The following CRY1 variants were observed in gnomAD, a reference collection of about 807,000 sequenced individuals.
CRY1 encodes cryptochrome circadian regulator 1.
In CRY1, 45 loss-of-function variants were observed where a neutral mutation model predicts 76.0. That is an observed-to-expected ratio of 0.59 (90% CI 0.47 to 0.76). The LOEUF is 0.76. Ranked by LOEUF, CRY1 falls within the 30% of genes least tolerant of loss-of-function variation. The pLI is 0.00. For synonymous variants in CRY1, 248 were observed against 244.0 expected (o/e 1.02, Z -0.15); for missense variants, 587 against 716.4 (o/e 0.82, Z 2.06).
chr12:107,021,506 A>C (rs111656637), intron 2 of CRY1, among the ~76,000 whole-genome samples: 3 of 152,320 alleles, frequency 2.0e-5, no homozygotes, highest in Non-Finnish European at 4.4e-5. Flanking sequence ...AGTTTAAAAA[A>C]TTATAGCCAT....
intron 2 of CRY1, among the ~76,000 whole-genome samples, chr12:107,012,057 G>A (rs1222621486): frequency 6.6e-6 from 1 of 152,150 alleles, no homozygotes; most frequent in Admixed American, 6.5e-5. Flanking sequence ...GGGCATGGTG[G>A]TGCACGCCTG....
At position 106,998,013 on chromosome 12, in the gene CRY1, C is replaced by T; in HGVS notation, c.1191G>A (p.Trp397Ter). The T allele has an allele frequency of 6.2e-7, 1 of 1,614,154 alleles. No homozygotes were observed. Among genetic ancestry groups the T allele is most frequent in the Non-Finnish European group, 8.5e-7 (1 of 1,180,006 alleles). Residue 397 changes from tryptophan (W) to a stop codon, truncating the protein, a stop_gained, in exon 8 of 13, where the codon TGG (tryptophan) becomes TGA (stop). Transcript: ENST00000008527. LOFTEE classifies it high-confidence loss of function. ...AAAAGGAACTACAAGACAGCCACAT[C>T]CAACTTCCAGCATTTATGCTCCAAT... The part of the protein sequence containing the change: ...DADWSINAGS[W>*]MWLSCSSFFQ...
At chr12:107,013,712 A>C (rs1024593972) in intron 2 of CRY1, among the ~76,000 whole-genome samples, 4 of 152,198 alleles carry the variant, frequency 2.6e-5, no homozygotes, top group African/African-American at 7.2e-5. Context: ...CTGAGCACTG[A>C]AATGTGACTA....
At position 107,026,157 on chromosome 12, in the gene CRY1, A is replaced by ACATATATATGTTATATATGT. The variant is rs1160937379; in HGVS notation, c.159-3966_159-3965insACATATATAACATATATATG. On this transcript the variant is annotated intron_variant, in intron 1 of 12. Coordinates refer to ENST00000008527, the MANE Select transcript of CRY1 (RefSeq NM_004075.5). ...TACATATATATTACATATATATATA[A>ACATATATATGTTATATATGT]AATATATATATATATATTACATATA... Among the ~76,000 whole-genome samples the ACATATATATGTTATATATGT allele has an allele frequency of 9.5e-4, 72 of 75,660 alleles. 15 individuals are homozygous for ACATATATATGTTATATATGT. The East Asian group carries it at 0.03, about 31-fold the overall frequency. The allele number at this position is 75,660 out of a possible 152,430, so 49.6% of individuals were successfully genotyped here. A position where few individuals can be genotyped will look rare whatever the true frequency, so the allele number is the denominator to read the frequency against.
At chr12:107,067,515 T>C (rs2136888978) in intron 1 of CRY1, among the ~76,000 whole-genome samples, 1 of 152,304 alleles carries the variant, frequency 6.6e-6, no homozygotes, top group Admixed American at 6.5e-5. Flanking sequence ...AATCTTTTCT[T>C]TTTGATTTTA....
At chr12:107,010,529 G>A (rs529324131) in intron 2 of CRY1, among the ~76,000 whole-genome samples, 237 of 152,166 alleles carry the variant, frequency 1.6e-3, no homozygotes, top group African/African-American at 5.2e-3. Context: ...TGCTCACCTC[G>A]TGTCTCTGTG....
chr12:106,996,032 G>A (rs1365863858), intron 10 of CRY1, among the ~76,000 whole-genome samples: 4 of 152,074 alleles, frequency 2.6e-5, no homozygotes, highest in South Asian at 2.1e-4. Context: ...TAGTAGAGAC[G>A]GGGGTTTCTC....
chr12:107,079,089 C>A (rs1465225004), intron 1 of CRY1, among the ~76,000 whole-genome samples: 2 of 151,988 alleles, frequency 1.3e-5, no homozygotes, highest in Non-Finnish European at 2.9e-5. Context: ...TATCTGAGTT[C>A]TTATATAATA....
intron 1 of CRY1, among the ~76,000 whole-genome samples, chr12:107,066,820 G>C (rs189526078): frequency 4.6e-5 from 7 of 152,142 alleles, no homozygotes; most frequent in Admixed American, 4.6e-4. Flanking sequence ...TTTCAAGACA[G>C]AGCCTTGCTC....
chr12:107,004,054 C>G (rs918866633), intron 3 of CRY1, among the ~76,000 whole-genome samples: 3 of 152,064 alleles, frequency 2.0e-5, no homozygotes, highest in Non-Finnish European at 4.4e-5. Context: ...ATCCATCTGC[C>G]TCGGCCTCCC....
intron 1 of CRY1, among the ~76,000 whole-genome samples, chr12:107,092,289 C>G (rs1191455438): frequency 6.6e-6 from 1 of 152,174 alleles, no homozygotes; most frequent in African/African-American, 2.4e-5. Flanking sequence ...AGAAAAAGAA[C>G]CGAGCAGAGA....
At chr12:107,089,267 G>A (rs1163256338) in intron 1 of CRY1, among the ~76,000 whole-genome samples, 2 of 152,146 alleles carry the variant, frequency 1.3e-5, no homozygotes, top group Non-Finnish European at 2.9e-5. Context: ...CATAAAGCTT[G>A]TAAATTTACC....
At chr12:107,090,670 T>C (rs1953459784) in intron 1 of CRY1, among the ~76,000 whole-genome samples, 1 of 152,222 alleles carries the variant, frequency 6.6e-6, no homozygotes. Flanking sequence ...GCCTGGCATA[T>C]AGTAGGTGCT....
chr12:107,022,375 C>T (rs1345672674), intron 1 of CRY1, among the ~76,000 whole-genome samples, 183 bp from the exon 2 acceptor site: 2 of 151,660 alleles, frequency 1.3e-5, no homozygotes, highest in Non-Finnish European at 2.9e-5. Context: ...CACAAATTAC[C>T]TAGTATTTTA....
At chr12:107,064,593 C>T (rs1481922861) in intron 1 of CRY1, among the ~76,000 whole-genome samples, 2 of 152,042 alleles carry the variant, frequency 1.3e-5, no homozygotes, top group African/African-American at 4.8e-5. Flanking sequence ...CATAAAAAGA[C>T]CACAAAGCTA....
chr12:107,002,392 A>G (rs1276252796), intron 3 of CRY1, among the ~76,000 whole-genome samples: 1 of 152,226 alleles, frequency 6.6e-6, no homozygotes, highest in Non-Finnish European at 1.5e-5. Context: ...AGCAGGTCTC[A>G]TTTAGGAAAA....
chr12:106,992,918 G>A, intron 11 of CRY1, 28 bp from the exon 12 acceptor site: 1 of 1,613,864 alleles, frequency 6.2e-7, no homozygotes, highest in Non-Finnish European at 8.5e-7. Flanking sequence ...GTATGTTTAA[G>A]ATAGGAAAAG....
intron 1 of CRY1, among the ~76,000 whole-genome samples, chr12:107,034,824 CATAA>C (rs1191944341): frequency 1.3e-5 from 2 of 152,090 alleles, no homozygotes; most frequent in Non-Finnish European, 2.9e-5. Context: ...AAAATAAATA[CATAA>C]ATAAGCGTTT....
intron 10 of CRY1, among the ~76,000 whole-genome samples, chr12:106,993,324 C>T (rs1952199699): frequency 6.6e-6 from 1 of 151,862 alleles, no homozygotes; most frequent in South Asian, 2.1e-4. Context: ...GAAGGTAAAA[C>T]ATAGGGGCAA....
Sources: allele counts gnomAD v4.1 joint callset (sites outside exome capture counted in the v4.1 genomes callset), GRCh38; gene constraint gnomAD v4.1.1; transcripts MANE v1.5; gene names NCBI Gene and HGNC (gene_info 2026-07-23, HGNC 2026-07-21).